DCDC1: variants seen among roughly 807,000 people sequenced by gnomAD.
DCDC1 encodes doublecortin domain containing 1.
A neutral mutation model predicts 178.3 loss-of-function variants in DCDC1; 200 were observed. That is an observed-to-expected ratio of 1.12 (90% CI 1.00 to 1.26). The LOEUF (loss-of-function observed/expected upper bound fraction) is 1.26. Among genes scored for constraint, DCDC1 ranks in the 50% most tolerant of loss-of-function variants. The pLI is 0.00. For missense variants in DCDC1, 1,983 were observed against 1,749.2 expected (o/e 1.13, Z -2.38); for synonymous variants, 690 against 604.8 (o/e 1.14, Z -2.07).
rs111634063 is a variant in DCDC1, at chr11:31,306,546, G to T, written c.435-158C>A. Reference sequence around the variant, plus strand: ...AAACTTTTTATAGGATAAGATTGTTGTTACAGAGTAACACTCTCACTATTT... The same window carrying T: ...AAACTTTTTATAGGATAAGATTGTTTTTACAGAGTAACACTCTCACTATTT... On this transcript the variant is annotated intron_variant, in intron 4 of 38. Coordinates refer to ENST00000684477, the MANE Select transcript of DCDC1 (RefSeq NM_001387274.1). Among the ~76,000 whole-genome samples the T allele has an allele frequency of 8.1e-3, 1,226 of 151,962 alleles. 23 individuals are homozygous for T. Among genetic ancestry groups the T allele is most frequent in the African/African-American group, 0.028 (1,174 of 41,460 alleles).
At chr11:31,117,281 T>A (rs1368571999) in intron 11 of DCDC1, among the ~76,000 whole-genome samples, 1 of 151,762 alleles carries the variant, frequency 6.6e-6, no homozygotes, top group Non-Finnish European at 1.5e-5. Context: ...ATCTGATGAG[T>A]GACTATGTGG....
intron 6 of DCDC1, among the ~76,000 whole-genome samples, chr11:31,298,113 A>G (rs893344109): frequency 6.6e-6 from 1 of 152,178 alleles, no homozygotes; most frequent in Non-Finnish European, 1.5e-5. Flanking sequence ...CGGCAGTAAC[A>G]TCCGAGTTCC....
intron 6 of DCDC1, among the ~76,000 whole-genome samples, chr11:31,294,965 A>G (rs1043530539): frequency 6.6e-6 from 1 of 152,050 alleles, no homozygotes; most frequent in African/African-American, 2.4e-5. Context: ...TTTATTCCGG[A>G]TGTGATGGGA....
intron 21 of DCDC1, among the ~76,000 whole-genome samples, chr11:30,948,513 T>C (rs1344320803): frequency 6.6e-6 from 1 of 152,174 alleles, no homozygotes; most frequent in African/African-American, 2.4e-5. Context: ...ACTTTAAATT[T>C]CATATGGAAC....
chr11:30,878,770 A>G, intron 37 of DCDC1, 59 bp from the exon 38 acceptor site: 2 of 1,487,810 alleles, frequency 1.3e-6, no homozygotes, highest in Non-Finnish European at 1.8e-6. Context: ...GAAAATAATT[A>G]AAAGTCCAGG....
At chr11:31,338,715 T>C (rs1950392989) in intron 1 of DCDC1, among the ~76,000 whole-genome samples, 2 of 152,196 alleles carry the variant, frequency 1.3e-5, no homozygotes, top group Non-Finnish European at 2.9e-5. Flanking sequence ...AGCCTTCTTT[T>C]CTTCCTTCCT....
intron 1 of DCDC1, among the ~76,000 whole-genome samples, chr11:31,344,998 AT>A (rs1213765290): frequency 6.6e-6 from 1 of 152,102 alleles, no homozygotes; most frequent in Admixed American, 6.5e-5. Context: ...TTATCAACAT[AT>A]TTTTTCATAA....
intron 18 of DCDC1, among the ~76,000 whole-genome samples, chr11:31,077,501 T>C (rs1956936878): frequency 6.6e-6 from 1 of 152,154 alleles, no homozygotes. Flanking sequence ...TTTGTTGGCA[T>C]ATGACTAGTA....
chr11:31,076,552 G>C (rs573956682), intron 18 of DCDC1, among the ~76,000 whole-genome samples: 1 of 151,948 alleles, frequency 6.6e-6, no homozygotes, highest in African/African-American at 2.4e-5. Flanking sequence ...TTGCCATGTT[G>C]CCCATGCTGG....
intron 20 of DCDC1, among the ~76,000 whole-genome samples, chr11:31,055,851 G>T (rs1335832878): frequency 6.6e-6 from 1 of 152,138 alleles, no homozygotes; most frequent in Non-Finnish European, 1.5e-5. Context: ...TACTTGGGGG[G>T]AAGGATGGGA....
intron 20 of DCDC1, among the ~76,000 whole-genome samples, chr11:31,013,941 G>C (rs1952323177): frequency 6.6e-6 from 1 of 152,154 alleles, no homozygotes; most frequent in Admixed American, 6.5e-5. Flanking sequence ...AACTACACTT[G>C]TGGTAGGCAC....
intron 20 of DCDC1, among the ~76,000 whole-genome samples, chr11:31,005,965 A>C (rs1376336339): frequency 2.0e-5 from 3 of 150,814 alleles, no homozygotes; most frequent in South Asian, 4.2e-4. Flanking sequence ...AAAAAAAAAA[A>C]AAAAAAAAAA....
intron 32 of DCDC1, among the ~76,000 whole-genome samples, chr11:30,901,080 C>G (rs116326218): frequency 5.3e-5 from 8 of 151,846 alleles, no homozygotes; most frequent in Admixed American, 2.0e-4. Flanking sequence ...TTCCTAATGG[C>G]GAAAGCAAAG....
rs750944008 is a variant in DCDC1, at chr11:30,903,605, A to T, written c.4387T>A (p.Phe1463Ile). 5 of 1,611,300 alleles carry T rather than the reference A, an allele frequency of 3.1e-6. No individual in the cohort carries two copies. Among genetic ancestry groups the T allele is most frequent in the South Asian group, 1.1e-5 (1 of 90,302 alleles). The change falls in exon 32 of 39, where the codon TTT becomes ATT. Residue 1463 changes from phenylalanine to isoleucine, a missense_variant. Coordinates refer to ENST00000684477, the MANE Select transcript of DCDC1 (RefSeq NM_001387274.1). ...KVYTKDGTPI[F>I]TLRDLVLWAL... Reference sequence around the variant, plus strand: ...CATAAAACCAAATCACGCAAGGTAAAGATTGGGGTTCCATCTTTGGTATAT... The same window carrying T: ...CATAAAACCAAATCACGCAAGGTAATGATTGGGGTTCCATCTTTGGTATAT...
intron 20 of DCDC1, among the ~76,000 whole-genome samples, chr11:30,974,489 A>G (rs1410513380): frequency 3.3e-5 from 5 of 152,094 alleles, no homozygotes; most frequent in Non-Finnish European, 7.4e-5. Context: ...CAAGAAAAAA[A>G]GAGAGAAGAC....
intron 38 of DCDC1, among the ~76,000 whole-genome samples, chr11:30,867,018 C>A (rs150691944): frequency 1.1e-3 from 160 of 152,292 alleles, no homozygotes; most frequent in African/African-American, 3.6e-3. Flanking sequence ...TTGGACTTCC[C>A]AGCCTCCAGA....
chr11:31,008,635 G>A (rs979157887), intron 20 of DCDC1, among the ~76,000 whole-genome samples: 3 of 152,042 alleles, frequency 2.0e-5, no homozygotes, highest in Non-Finnish European at 2.9e-5. Context: ...ATCTCTACAC[G>A]CACACACAAG....
chr11:31,309,482 G>C (rs550220477), intron 3 of DCDC1, among the ~76,000 whole-genome samples: 2 of 152,308 alleles, frequency 1.3e-5, no homozygotes, highest in African/African-American at 4.8e-5. Flanking sequence ...CAAACTGGCA[G>C]TGTTTCTGCA....
chr11:31,215,666 G>A (rs1020588835), intron 9 of DCDC1, among the ~76,000 whole-genome samples: 4 of 151,952 alleles, frequency 2.6e-5, no homozygotes, highest in Admixed American at 6.6e-5. Flanking sequence ...GGTGGTGTGC[G>A]CCTATAGTCC....
Sources: gnomAD v4.1 joint callset for allele counts (sites outside exome capture counted in the v4.1 genomes callset) on GRCh38, gnomAD v4.1.1 for gene constraint, MANE v1.5 for transcripts, NCBI Gene and HGNC (gene_info 2026-07-23, HGNC 2026-07-21) for gene names.